CADM1: variants seen among roughly 807,000 people sequenced by gnomAD.
CADM1 encodes TSLC-1.
Under a neutral mutation model 53.1 loss-of-function variants are expected in CADM1, and 15 were observed. The observed-to-expected ratio is 0.28, with a 90% CI of 0.19 to 0.44. The LOEUF (loss-of-function observed/expected upper bound fraction) is 0.44. Among genes scored for constraint, CADM1 ranks in the 20% least tolerant of loss-of-function variants. CADM1 has a pLI of 1.00. For synonymous variants in CADM1, 281 were observed against 243.0 expected (o/e 1.16, Z -1.45); for missense variants, 434 against 611.3 (o/e 0.71, Z 3.06).
At chr11:115,218,086 T>C (rs945639941) in intron 5 of CADM1, 95 bp from the exon 6 acceptor site, 28 of 799,178 alleles carry the variant, frequency 3.5e-5, no homozygotes, top group Non-Finnish European at 6.1e-5. Context: ...GTACCAGCAC[T>C]TACTCTCTCC....
intron 1 of CADM1, among the ~76,000 whole-genome samples, chr11:115,503,675 G>A (rs919736803): frequency 6.6e-6 from 1 of 152,216 alleles, no homozygotes; most frequent in African/African-American, 2.4e-5. Flanking sequence ...AAACACGAGA[G>A]GCGTGCAGTT....
chr11:115,359,255 C>T (rs772161547), intron 1 of CADM1, among the ~76,000 whole-genome samples: 23 of 152,022 alleles, frequency 1.5e-4, no homozygotes, highest in Non-Finnish European at 2.9e-4. Context: ...GGAGAATCCA[C>T]GTAGAGGGAA....
chr11:115,407,621 C>T (rs1413511702), intron 1 of CADM1, among the ~76,000 whole-genome samples: 4 of 152,058 alleles, frequency 2.6e-5, no homozygotes, highest in East Asian at 1.9e-4. Flanking sequence ...TGGCCAGGAA[C>T]GGTGGCTCAT....
intron 1 of CADM1, among the ~76,000 whole-genome samples, chr11:115,498,195 C>CATTT (rs1949662359): frequency 6.6e-6 from 1 of 152,104 alleles, no homozygotes; most frequent in Admixed American, 6.5e-5. Flanking sequence ...AAAATAAGGC[C>CATTT]CAAATACTTA....
At chr11:115,309,002 G>T (rs144367195) in intron 1 of CADM1, among the ~76,000 whole-genome samples, 284 of 152,172 alleles carry the variant, frequency 1.9e-3, no homozygotes, top group African/African-American at 6.3e-3. Flanking sequence ...AAACTGGCAA[G>T]AAACATTTAA....
In CADM1 at chr11:115,169,969, T is replaced by A. The variant is rs1938735769; in HGVS notation, c.*6505A>T. 5.1e-6 allele frequency: 1 copy of A among 196,144 alleles called. No individual in the cohort carries two copies. The highest frequency in any genetic ancestry group is 2.3e-5 in the African/African-American group (1 of 43,240). The allele number at this position is 196,144 out of a possible 1,614,324, so 12.2% of individuals were successfully genotyped here. A position where few individuals can be genotyped will look rare whatever the true frequency, so the allele number is the denominator to read the frequency against. ...ACACCAGCTCTGGAAGACTGAAATATCAATTACGGATCAATTTTCCCCCTA... is the reference window on the plus strand; with the variant it reads ...ACACCAGCTCTGGAAGACTGAAATAACAATTACGGATCAATTTTCCCCCTA... On this transcript the variant is annotated 3_prime_UTR_variant, in exon 12 of 12. Transcript: ENST00000331581.
At chr11:115,289,588 T>C (rs1018993304) in intron 1 of CADM1, among the ~76,000 whole-genome samples, 2 of 118,790 alleles carry the variant, frequency 1.7e-5, no homozygotes, top group African/African-American at 8.1e-5. Flanking sequence ...ATTTTCTTTT[T>C]TTTTCTTTTT....
chr11:115,426,365 T>G (rs1219897934), intron 1 of CADM1, among the ~76,000 whole-genome samples: 1 of 152,162 alleles, frequency 6.6e-6, no homozygotes, highest in Non-Finnish European at 1.5e-5. Context: ...AGACTTTTGA[T>G]TTCAGTCGCT....
intron 1 of CADM1, among the ~76,000 whole-genome samples, chr11:115,469,610 T>C (rs191244017): frequency 6.8e-4 from 104 of 152,260 alleles, no homozygotes; most frequent in African/African-American, 2.4e-3. Context: ...GTTTTTATTC[T>C]TTTCCTAATC....
intron 1 of CADM1, among the ~76,000 whole-genome samples, chr11:115,490,240 C>T (rs184367473): frequency 6.6e-6 from 1 of 152,138 alleles, no homozygotes; most frequent in African/African-American, 2.4e-5. Context: ...AAAATGAAGA[C>T]AGGCAGGACC....
chr11:115,392,438 T>C (rs1438900422), intron 1 of CADM1, among the ~76,000 whole-genome samples: 1 of 151,966 alleles, frequency 6.6e-6, no homozygotes, highest in African/African-American at 2.4e-5. Flanking sequence ...GCTTATTACC[T>C]CTACTCTAAA....
intron 1 of CADM1, among the ~76,000 whole-genome samples, chr11:115,303,581 G>A (rs150356896): frequency 1.3e-3 from 199 of 152,124 alleles, no homozygotes; most frequent in African/African-American, 4.6e-3. Flanking sequence ...GGTCATTAGT[G>A]CAAACTAACA....
At chr11:115,347,738 A>C (rs1056704866) in intron 1 of CADM1, among the ~76,000 whole-genome samples, 4 of 152,178 alleles carry the variant, frequency 2.6e-5, no homozygotes, top group African/African-American at 9.6e-5. Flanking sequence ...AAACTACACC[A>C]TGTCACTCAT....
intron 1 of CADM1, among the ~76,000 whole-genome samples, chr11:115,438,452 T>C (rs1462043591): frequency 6.6e-6 from 1 of 152,030 alleles, no homozygotes; most frequent in Non-Finnish European, 1.5e-5. Context: ...CCAACAGATG[T>C]TCTACAGGCA....
chr11:115,319,273 C>T (rs11215486), intron 1 of CADM1, among the ~76,000 whole-genome samples: 5 of 152,016 alleles, frequency 3.3e-5, no homozygotes, highest in Non-Finnish European at 7.4e-5. Context: ...GTGCCAAAAG[C>T]AGCTCTTCTT....
chr11:115,416,698 TACACACACAC>T (rs34112529), intron 1 of CADM1, among the ~76,000 whole-genome samples: 16 of 141,376 alleles, frequency 1.1e-4, no homozygotes, highest in South Asian at 4.7e-4. Flanking sequence ...AAGGATTAAA[TACACACACAC>T]ACACACACAC....
At position 115,327,363 on chromosome 11, in the gene CADM1, C is replaced by T. The variant is rs375357382; in HGVS notation, c.125-86943G>A. 2.4e-4 allele frequency among the ~76,000 whole-genome samples: 36 copies of T among 152,276 alleles called. No homozygotes were observed. In the East Asian group the frequency reaches 3.1e-3, roughly 13 times the overall value. ...AAACCTCCTGCAAGGCTGGCACTTG[C>T]GGGATGCTGCTCACTCTATCGGGTC... On this transcript the variant is annotated intron_variant, in intron 1 of 11. Transcript: ENST00000331581.
intron 9 of CADM1, among the ~76,000 whole-genome samples, chr11:115,193,642 G>A (rs1223198062): frequency 4.6e-5 from 7 of 152,034 alleles, no homozygotes; most frequent in Admixed American, 4.6e-4. Flanking sequence ...AGAAATTCTA[G>A]AGATATTAAA....
At chr11:115,441,074 T>C (rs1948298413) in intron 1 of CADM1, among the ~76,000 whole-genome samples, 3 of 152,096 alleles carry the variant, frequency 2.0e-5, no homozygotes, top group Non-Finnish European at 4.4e-5. Flanking sequence ...GTTCAAGATT[T>C]TATCAATCAC....
Sources: gnomAD v4.1 joint callset for allele counts (sites outside exome capture counted in the v4.1 genomes callset) on GRCh38, gnomAD v4.1.1 for gene constraint, MANE v1.5 for transcripts, NCBI Gene and HGNC (gene_info 2026-07-23, HGNC 2026-07-21) for gene names.